Variants in PCSK5 observed in about 807,000 individuals in gnomAD.
PCSK5 encodes proprotein convertase subtilisin/kexin type 5, also known as prohormone convertase 5.
In PCSK5, 129 loss-of-function variants were observed where a neutral mutation model predicts 233.2. The ratio of observed to expected loss-of-function variants is 0.55; its 90% CI spans 0.48 to 0.64. The LOEUF (loss-of-function observed/expected upper bound fraction) is 0.64. PCSK5 is among the 30% of genes least tolerant of loss of function. The probability of loss-of-function intolerance (pLI) is 0.00; values close to 1 mark genes in which losing one functional copy is unlikely to be tolerated. For synonymous variants in PCSK5, 825 were observed against 879.2 expected, an observed-to-expected ratio of 0.94 and a Z score of 1.09; for missense variants, 2,076 against 2,430.1, an observed-to-expected ratio of 0.85 and a Z score of 3.06.
rs1826910342 is a variant in PCSK5 at position 75,994,396 on chromosome 9, CTTTCTTTTTTTTTTTTTTTTT to C, written c.411+8155_411+8175del. Among the ~76,000 whole-genome samples, 243 of 68,310 alleles carry C rather than the reference CTTTCTTTTTTTTTTTTTTTTT, an allele frequency of 3.6e-3. 18 individuals are homozygous for C. The highest frequency in any genetic ancestry group is 9.1e-3 in the South Asian group (17 of 1,860). The allele number at this position is 68,310 out of a possible 152,430, so 44.8% of individuals were successfully genotyped here. A position where few individuals can be genotyped will look rare whatever the true frequency, so the allele number is the denominator to read the frequency against. The stretch of plus-strand genomic sequence containing the variant: ...CCCAGTTTCTTTCTTTTCTTTCTTT[CTTTCTTTTTTTTTTTTTTTTT>C]TTTTTTTTTTTTTTTTTTTTTTTTT... On this transcript the variant is annotated intron_variant, in intron 3 of 37. Coordinates refer to ENST00000674117, the MANE Select transcript of PCSK5 (RefSeq NM_001372043.1).
chr9:76,269,502 A>T (rs1314437769), intron 24 of PCSK5, among the ~76,000 whole-genome samples: 1 of 152,220 alleles, frequency 6.6e-6, no homozygotes, highest in African/African-American at 2.4e-5. Flanking sequence ...GAAGAAGCTT[A>T]AAAAGGGTAT....
intron 32 of PCSK5, 105 bp downstream of exon 32, chr9:76,323,393 T>G: frequency 1.4e-6 from 1 of 707,396 alleles, no homozygotes; most frequent in Non-Finnish European, 2.4e-6. Flanking sequence ...TGTGTTTTGT[T>G]TTTGTTTTGG....
chr9:76,354,341 C>T, intron 37 of PCSK5, 122 bp downstream of exon 37: 1 of 709,974 alleles, frequency 1.4e-6, no homozygotes. Flanking sequence ...TTATTGAGTG[C>T]CTACTATGGG....
intron 2 of PCSK5, among the ~76,000 whole-genome samples, chr9:75,948,610 A>C (rs936178347): frequency 2.0e-5 from 3 of 152,104 alleles, no homozygotes; most frequent in African/African-American, 2.4e-5. Flanking sequence ...GAATAGTGCC[A>C]CAATAAATAT....
At chr9:76,312,693 C>T (rs1010810103) in intron 30 of PCSK5, among the ~76,000 whole-genome samples, 5 of 151,998 alleles carry the variant, frequency 3.3e-5, no homozygotes, top group African/African-American at 9.7e-5. Flanking sequence ...GCATATTCAG[C>T]TCAACAACAC....
intron 8 of PCSK5, among the ~76,000 whole-genome samples, chr9:76,097,396 A>G (rs907046019): frequency 1.4e-5 from 2 of 144,162 alleles, no homozygotes; most frequent in African/African-American, 5.7e-5. Context: ...AGTAGCTGGG[A>G]CTACAGGCGC....
At chr9:76,104,927 C>T in intron 8 of PCSK5, among the ~76,000 whole-genome samples, 1 of 152,206 alleles carries the variant, frequency 6.6e-6, no homozygotes, top group East Asian at 1.9e-4. Flanking sequence ...CTGGTGTGTT[C>T]ATGCATTGAC....
intron 21 of PCSK5, among the ~76,000 whole-genome samples, chr9:76,230,772 T>C (rs1826055872): frequency 6.6e-6 from 1 of 152,100 alleles, no homozygotes; most frequent in African/African-American, 2.4e-5. Context: ...GCGTGCTCAT[T>C]ATGAGAATCT....
intron 5 of PCSK5, among the ~76,000 whole-genome samples, chr9:76,042,026 C>G (rs950985376): frequency 1.3e-5 from 2 of 152,160 alleles, no homozygotes; most frequent in Non-Finnish European, 2.9e-5. Flanking sequence ...TGTTGTTATT[C>G]TACAGTGCTT....
At chr9:76,225,457 C>A (rs1825859546) in intron 20 of PCSK5, among the ~76,000 whole-genome samples, 1 of 152,084 alleles carries the variant, frequency 6.6e-6, no homozygotes, top group Non-Finnish European at 1.5e-5. Flanking sequence ...ACATAGATAT[C>A]ATCTAACTGT....
intron 32 of PCSK5, among the ~76,000 whole-genome samples, chr9:76,324,530 C>T (rs1829303987): frequency 6.6e-6 from 1 of 152,132 alleles, no homozygotes. Flanking sequence ...CGCGCCCAGC[C>T]TCCCTTCATG....
At chr9:76,247,933 T>C (rs932436579) in intron 24 of PCSK5, among the ~76,000 whole-genome samples, 9 of 151,908 alleles carry the variant, frequency 5.9e-5, no homozygotes, top group African/African-American at 2.2e-4. Context: ...TACAGGCACC[T>C]GCCACCACAC....
chr9:76,083,360 A>G (rs1830931631), intron 7 of PCSK5, among the ~76,000 whole-genome samples: 1 of 151,986 alleles, frequency 6.6e-6, no homozygotes, highest in Non-Finnish European at 1.5e-5. Context: ...TTGCTTTGTC[A>G]TTTTATCTAC....
chr9:76,349,429 T>C (rs1830064500), intron 35 of PCSK5, among the ~76,000 whole-genome samples: 2 of 151,976 alleles, frequency 1.3e-5, no homozygotes, highest in African/African-American at 4.8e-5. Flanking sequence ...AAGATAAAAA[T>C]AAAGTGGTTT....
intron 3 of PCSK5, among the ~76,000 whole-genome samples, chr9:76,018,920 C>G (rs890270944): frequency 6.6e-6 from 1 of 152,172 alleles, no homozygotes; most frequent in Admixed American, 6.5e-5. Context: ...TTATCTACTC[C>G]TTATCTACCC....
At chr9:76,212,442 G>A (rs1481636974) in intron 20 of PCSK5, among the ~76,000 whole-genome samples, 4 of 152,200 alleles carry the variant, frequency 2.6e-5, no homozygotes, top group Non-Finnish European at 5.9e-5. Context: ...ATCCAGCATT[G>A]AGCAGGCTGA....
chr9:76,025,510 C>A (rs1018743853), intron 4 of PCSK5, among the ~76,000 whole-genome samples: 1 of 152,064 alleles, frequency 6.6e-6, no homozygotes, highest in African/African-American at 2.4e-5. Context: ...TTATTCCAGG[C>A]TAGAAGGAGG....
intron 34 of PCSK5, among the ~76,000 whole-genome samples, chr9:76,337,454 G>A (rs539045443): frequency 4.7e-4 from 71 of 152,174 alleles, no homozygotes; most frequent in African/African-American, 1.7e-3. Flanking sequence ...GATTACAGGT[G>A]TAAGCCACTG....
chr9:76,240,470 CAT>C, intron 23 of PCSK5, 144 bp from the exon 24 acceptor site: 1 of 633,368 alleles, frequency 1.6e-6, no homozygotes, highest in South Asian at 2.0e-5. Context: ...GTAGAAACCA[CAT>C]ATATCCTCGA....
Sources: allele counts gnomAD v4.1 joint callset (sites outside exome capture counted in the v4.1 genomes callset), GRCh38; gene constraint gnomAD v4.1.1; transcripts MANE v1.5; gene names NCBI Gene and HGNC (gene_info 2026-07-23, HGNC 2026-07-21).